Variants in AGBL4 observed in about 807,000 individuals in gnomAD.
AGBL4 encodes AGBL carboxypeptidase 4, also known as cytosolic carboxypeptidase 6.
AGBL4 carries 58 observed loss-of-function variants against 66.4 expected under a neutral mutation model. The observed-to-expected ratio is 0.87, with a 90% CI of 0.71 to 1.09. The LOEUF (loss-of-function observed/expected upper bound fraction) is 1.09. AGBL4 is among the 50% of genes least tolerant of loss of function. The pLI is 0.00. For synonymous variants in AGBL4, 234 were observed against 222.9 expected, an observed-to-expected ratio of 1.05 and a Z score of -0.44; for missense variants, 579 against 631.0, an observed-to-expected ratio of 0.92 and a Z score of 0.88.
chr1:49,656,550 CA>C (rs904506535), intron 3 of AGBL4, among the ~76,000 whole-genome samples: 1 of 151,934 alleles, frequency 6.6e-6, no homozygotes, highest in Non-Finnish European at 1.5e-5. Flanking sequence ...AGAGGCACAA[CA>C]AAAAAAGAGA....
intron 3 of AGBL4, among the ~76,000 whole-genome samples, chr1:49,480,398 C>G (rs1449672722): frequency 6.6e-6 from 1 of 151,602 alleles, no homozygotes; most frequent in Non-Finnish European, 1.5e-5. Flanking sequence ...TGATGCTGAG[C>G]TTTTTTTCAT....
chr1:49,725,590 C>T (rs1181919432), intron 2 of AGBL4, among the ~76,000 whole-genome samples: 1 of 151,432 alleles, frequency 6.6e-6, no homozygotes, highest in Admixed American at 6.6e-5. Flanking sequence ...GTTCTTATGG[C>T]AAATCACCAG....
At chr1:48,955,816 C>T (rs752214161) in intron 5 of AGBL4, among the ~76,000 whole-genome samples, 5 of 152,234 alleles carry the variant, frequency 3.3e-5, no homozygotes, top group African/African-American at 4.8e-5. Flanking sequence ...TCTGAATCTC[C>T]ACCAGTGAAA....
At position 48,978,404 on chromosome 1, in the gene AGBL4, A is replaced by G. The variant is rs531388982; in HGVS notation, c.594+67180T>C. The stretch of plus-strand genomic sequence containing the variant: ...TTGTTTTTCTGCTTTGTGTGTTTCT[A>G]TGAGTTAAACCCCAGAAGTAGCTGT... On this transcript the variant is annotated intron_variant, in intron 5 of 13. Transcript: ENST00000371839. Among the ~76,000 whole-genome samples the G allele has an allele frequency of 2.0e-5, 3 of 152,272 alleles. No individual in the cohort carries two copies. The East Asian group carries it at 5.8e-4, about 29-fold the overall frequency.
chr1:49,436,063 G>C (rs1645896432), intron 3 of AGBL4, among the ~76,000 whole-genome samples: 1 of 152,204 alleles, frequency 6.6e-6, no homozygotes, highest in South Asian at 2.1e-4. Flanking sequence ...GGAGTTTCTG[G>C]TGGATATGAA....
intron 6 of AGBL4, among the ~76,000 whole-genome samples, chr1:48,675,044 G>A (rs1367888100): frequency 6.6e-6 from 1 of 152,230 alleles, no homozygotes; most frequent in African/African-American, 2.4e-5. Flanking sequence ...CTCAGACAGA[G>A]AAGGGCATTT....
intron 4 of AGBL4, among the ~76,000 whole-genome samples, chr1:49,153,253 C>G (rs978618143): frequency 6.6e-6 from 1 of 152,050 alleles, no homozygotes; most frequent in South Asian, 2.1e-4. Flanking sequence ...AGTTTCAGGC[C>G]TGCCATTCTT....
intron 4 of AGBL4, among the ~76,000 whole-genome samples, chr1:49,186,814 A>C (rs2148197631): frequency 6.6e-6 from 1 of 152,336 alleles, no homozygotes; most frequent in African/African-American, 2.4e-5. Flanking sequence ...AAAATCATGC[A>C]AGTGGGAAAA....
intron 4 of AGBL4, among the ~76,000 whole-genome samples, chr1:49,088,698 C>A (rs1453207922): frequency 6.6e-6 from 1 of 152,084 alleles, no homozygotes; most frequent in African/African-American, 2.4e-5. Flanking sequence ...ATCATCAAGG[C>A]AGAAAATGAA....
At chr1:49,915,805 C>A (rs1380150602) in intron 1 of AGBL4, among the ~76,000 whole-genome samples, 1 of 152,074 alleles carries the variant, frequency 6.6e-6, no homozygotes, top group Non-Finnish European at 1.5e-5. Context: ...GGTCCCTGAC[C>A]CTGAGGAGCC....
intron 6 of AGBL4, among the ~76,000 whole-genome samples, chr1:48,813,445 G>A (rs558269858): frequency 6.6e-6 from 1 of 152,296 alleles, no homozygotes; most frequent in South Asian, 2.1e-4. Context: ...TAAGCACATG[G>A]CATTAGGGAG....
intron 4 of AGBL4, among the ~76,000 whole-genome samples, chr1:49,164,742 T>G (rs1440513678): frequency 6.6e-6 from 1 of 152,192 alleles, no homozygotes; most frequent in Non-Finnish European, 1.5e-5. Context: ...TTATGTTTGT[T>G]TGCTTCAGTT....
chr1:49,421,960 A>G (rs1645555552), intron 3 of AGBL4, among the ~76,000 whole-genome samples: 1 of 152,206 alleles, frequency 6.6e-6, no homozygotes, highest in Non-Finnish European at 1.5e-5. Context: ...CTCATATTTA[A>G]AAATGGTCCA....
chr1:49,623,562 A>C (rs1055257895), intron 3 of AGBL4, among the ~76,000 whole-genome samples: 11 of 152,202 alleles, frequency 7.2e-5, no homozygotes, highest in African/African-American at 2.7e-4. Flanking sequence ...TCAAATTTAC[A>C]AGGTCCTTTT....
chr1:49,683,103 T>C (rs1646726594), intron 3 of AGBL4, among the ~76,000 whole-genome samples: 2 of 152,154 alleles, frequency 1.3e-5, no homozygotes, highest in Non-Finnish European at 2.9e-5. Flanking sequence ...AAGCATAATT[T>C]ATTAGTTTCA....
Position 48,559,834 on chromosome 1 carries a change from T to A in AGBL4, c.1268-20096A>T, listed in dbSNP as rs575687116. On this transcript the variant is annotated intron_variant, in intron 11 of 13. Transcript: ENST00000371839. ...GCTTCCTCTTGCCTCTTTGCCTCTT[T>A]CCCCTCTTGGTTATAAATTCTGGGA... is the stretch of plus-strand genomic sequence containing the variant. Among the ~76,000 whole-genome samples the A allele has an allele frequency of 2.2e-3, 342 of 152,214 alleles. 2 individuals are homozygous for A. The highest frequency in any genetic ancestry group is 7.7e-3 in the African/African-American group (321 of 41,536).
intron 1 of AGBL4, among the ~76,000 whole-genome samples, chr1:49,917,081 A>G (rs1473825885): frequency 2.0e-5 from 3 of 152,186 alleles, no homozygotes; most frequent in African/African-American, 7.2e-5. Context: ...AGCTCCTGAA[A>G]GAAGCACTAA....
At chr1:50,008,118 CA>C (rs1661272654) in intron 1 of AGBL4, among the ~76,000 whole-genome samples, 1 of 152,150 alleles carries the variant, frequency 6.6e-6, no homozygotes, top group South Asian at 2.1e-4. Flanking sequence ...ACTGGACAGA[CA>C]ATCCATACAG....
At chr1:49,891,178 C>T (rs574489566) in intron 1 of AGBL4, among the ~76,000 whole-genome samples, 3 of 152,230 alleles carry the variant, frequency 2.0e-5, no homozygotes, top group Admixed American at 1.3e-4. Flanking sequence ...AAACTTGTAA[C>T]ATTCAAGGAA....
Sources: allele counts gnomAD v4.1 joint callset (sites outside exome capture counted in the v4.1 genomes callset), GRCh38; gene constraint gnomAD v4.1.1; transcripts MANE v1.5; gene names NCBI Gene and HGNC (gene_info 2026-07-23, HGNC 2026-07-21).